ANKRD10: variants seen among roughly 807,000 people sequenced by gnomAD.
The protein encoded by ANKRD10 is ankyrin repeat domain 10.
ANKRD10 carries 14 observed loss-of-function variants against 27.0 expected under a neutral mutation model. The ratio of observed to expected loss-of-function variants is 0.52; its 90% confidence interval spans 0.34 to 0.81. The LOEUF (loss-of-function observed/expected upper bound fraction) is 0.81. Ranked by LOEUF, ANKRD10 falls within the 40% of genes least tolerant of loss-of-function variation. The pLI is 0.01. For synonymous variants in ANKRD10, 250 were observed against 224.5 expected (o/e 1.11, Z -1.01); for missense variants, 493 against 544.0 (o/e 0.91, Z 0.93).
chr13:110,909,683 A>G (rs1455945309), intron 2 of ANKRD10, among the ~76,000 whole-genome samples: 2 of 152,202 alleles, frequency 1.3e-5, no homozygotes, highest in Non-Finnish European at 2.9e-5. Context: ...AATCATGGCT[A>G]AAAACACCTT....
rs1008771827 is a variant in ANKRD10 at position 110,894,528 on chromosome 13, T to C, written c.456-1265A>G. Reference sequence around the variant, plus strand: ...TTGTATTCGTTATTTGCAGACATCATAGAGCTCTGACCTTGGAAATGAGAA... The same window carrying C: ...TTGTATTCGTTATTTGCAGACATCACAGAGCTCTGACCTTGGAAATGAGAA... On this transcript the variant is annotated intron_variant, in intron 3 of 5. Transcript: ENST00000267339. 10 of 175,196 alleles carry C rather than the reference T, an allele frequency of 5.7e-5. 1 individual carries two copies. Among genetic ancestry groups the C allele is most frequent in the Non-Finnish European group, 1.2e-4 (10 of 82,972 alleles). The allele number at this position is 175,196 out of a possible 1,614,324, so 10.9% of individuals were successfully genotyped here.
chr13:110,906,113 A>G lies in ANKRD10; in HGVS notation c.375T>C (p.Gly125=), dbSNP rs755747309. Residue 125 remains glycine (G), a synonymous_variant, in exon 3 of 6, where the codon GGT becomes GGC. Transcript: ENST00000267339. ...GANINKPDCE[G]ETPIHKAARS... The stretch of plus-strand genomic sequence containing the variant: ...GAGCTGCCTTGTGAATGGGAGTTTC[A>G]CCCTCACAATCCTGAAACAACAAAA... 6.3e-7 allele frequency: 1 copy of G among 1,598,862 alleles called. No individual in the cohort carries two copies. Among genetic ancestry groups the G allele is most frequent in the South Asian group, 1.1e-5 (1 of 88,600 alleles).
At chr13:110,888,797 G>T (rs1188788250) in intron 4 of ANKRD10, among the ~76,000 whole-genome samples, 1 of 152,120 alleles carries the variant, frequency 6.6e-6, no homozygotes, top group Non-Finnish European at 1.5e-5. Context: ...ACTTTTTTCT[G>T]TAAGGTGTTT....
chr13:110,899,348 C>T (rs899412113), intron 3 of ANKRD10, among the ~76,000 whole-genome samples: 8 of 152,200 alleles, frequency 5.3e-5, no homozygotes, highest in African/African-American at 1.7e-4. Context: ...AACTTAGCAT[C>T]CCCAGTTTGA....
chr13:110,908,202 G>A (rs1372147205), intron 2 of ANKRD10, among the ~76,000 whole-genome samples: 2 of 152,042 alleles, frequency 1.3e-5, no homozygotes, highest in South Asian at 4.1e-4. Flanking sequence ...TGGGCACCCT[G>A]GGTTTTCATA....
At chr13:110,913,801 TATTA>T (rs760640257) in intron 1 of ANKRD10, among the ~76,000 whole-genome samples, 7 of 152,164 alleles carry the variant, frequency 4.6e-5, no homozygotes, top group African/African-American at 7.2e-5. Flanking sequence ...AATTAAGAAA[TATTA>T]ATTAAAACCA....
In ANKRD10 at chr13:110,879,453, TAGTA is replaced by T; in HGVS notation, c.*180_*183del. On this transcript the variant is annotated 3_prime_UTR_variant, in exon 6 of 6. Transcript: ENST00000267339. ...CTCACTGTAGAAACATCTATGCACT[TAGTA>T]AGCCCTACTCATGCACAAACAAGCA... 1 of 599,250 alleles carries T rather than the reference TAGTA, an allele frequency of 1.7e-6. No individual in the cohort carries two copies. The highest frequency in any genetic ancestry group is 3.0e-6 in the Non-Finnish European group (1 of 338,160). The allele number at this position is 599,250 out of a possible 1,614,324, so 37.1% of individuals were successfully genotyped here. A position where few individuals can be genotyped will look rare whatever the true frequency, so the allele number is the denominator to read the frequency against.
chr13:110,913,193 ACTG>A (rs1555327293), intron 1 of ANKRD10, among the ~76,000 whole-genome samples: 1 of 152,062 alleles, frequency 6.6e-6, no homozygotes, highest in Non-Finnish European at 1.5e-5. Flanking sequence ...ATCGTTGTTC[ACTG>A]ACTATCACCC....
At chr13:110,885,957 T>G (rs2064918965) in intron 4 of ANKRD10, among the ~76,000 whole-genome samples, 1 of 152,214 alleles carries the variant, frequency 6.6e-6, no homozygotes, top group African/African-American at 2.4e-5. Context: ...TCTCCTTCAC[T>G]AGGCCCAGTA....
At chr13:110,912,623 G>T (rs2065751194) in intron 1 of ANKRD10, among the ~76,000 whole-genome samples, 1 of 152,136 alleles carries the variant, frequency 6.6e-6, no homozygotes, top group Non-Finnish European at 1.5e-5. Flanking sequence ...TGTTCAATAT[G>T]GTATAAAAGC....
At position 110,914,963 on chromosome 13, in the gene ANKRD10, C is replaced by A; in HGVS notation, c.-29G>T. The A allele has an allele frequency of 6.6e-7, 1 of 1,523,270 alleles. No homozygotes were observed. The highest frequency in any genetic ancestry group is 8.8e-7 in the Non-Finnish European group (1 of 1,140,798). The allele number at this position is 1,523,270 out of a possible 1,614,324, so 94.4% of individuals were successfully genotyped here. A position where few individuals can be genotyped will look rare whatever the true frequency, so the allele number is the denominator to read the frequency against. ...CCGTCACCGGAGAGCGCGGGGCTCG[C>A]TGGCCTAGAGGACGCGTCGGGGAGG... On this transcript the variant is annotated 5_prime_UTR_variant, in exon 1 of 6. Coordinates refer to ENST00000267339, the MANE Select transcript of ANKRD10 (RefSeq NM_017664.4).
At chr13:110,892,678 A>AG (rs937412686) in intron 4 of ANKRD10, 42 of 956,522 alleles carry the variant, frequency 4.4e-5, no homozygotes, top group Non-Finnish European at 5.0e-5. Flanking sequence ...AAGCAAATTA[A>AG]AAAAAAAAAA....
Position 110,879,554 on chromosome 13 carries a change from T to C in ANKRD10, c.*83A>G, listed in dbSNP as rs1409254548. 1.8e-5 allele frequency: 19 copies of C among 1,034,532 alleles called. No homozygotes were observed. The South Asian group carries it at 2.2e-4, about 12-fold the overall frequency. The allele number at this position is 1,034,532 out of a possible 1,614,324, so 64.1% of individuals were successfully genotyped here. A position where few individuals can be genotyped will look rare whatever the true frequency, so the allele number is the denominator to read the frequency against. ...TATAAAAAACGTACAAGTTGTGACA[T>C]TCGTTCAAGTTGCTGCTACATGGGT... On this transcript the variant is annotated 3_prime_UTR_variant, in exon 6 of 6. Transcript: ENST00000267339.
Position 110,908,312 on chromosome 13 carries a change from C to T in ANKRD10, c.364-2188G>A, listed in dbSNP as rs558251845. 4.6e-5 allele frequency among the ~76,000 whole-genome samples: 7 copies of T among 152,272 alleles called. No individual in the cohort carries two copies. The South Asian group carries it at 1.5e-3, about 32-fold the overall frequency. ...TATGAAAGAGAAGGTTTGCTAATTA[C>T]GCACCAAGGCTAGTCAATATAGATT... is the stretch of plus-strand genomic sequence containing the variant. On this transcript the variant is annotated intron_variant, in intron 2 of 5. Coordinates refer to ENST00000267339, the MANE Select transcript of ANKRD10 (RefSeq NM_017664.4).
Position 110,886,870 on chromosome 13 carries a change from TGTTA to T in ANKRD10, c.692-3081_692-3078del, listed in dbSNP as rs10546788. 9.9e-3 allele frequency among the ~76,000 whole-genome samples: 1,511 copies of T among 152,344 alleles called. 21 individuals carry two copies. Among genetic ancestry groups the T allele is most frequent in the African/African-American group, 0.033 (1,357 of 41,568 alleles). The stretch of plus-strand genomic sequence containing the variant: ...CACAATGATTGAATGCTTCTGAAAA[TGTTA>T]GTATGACCACTTTTTTCAAAGGGTC... On this transcript the variant is annotated intron_variant, in intron 4 of 5. Coordinates refer to ENST00000267339, the MANE Select transcript of ANKRD10 (RefSeq NM_017664.4).
chr13:110,886,352 G>T (rs1017898957), intron 4 of ANKRD10, among the ~76,000 whole-genome samples: 1 of 152,184 alleles, frequency 6.6e-6, no homozygotes, highest in Non-Finnish European at 1.5e-5. Flanking sequence ...AGAATGAAAG[G>T]CTTCCATATT....
At chr13:110,883,933 G>T in intron 4 of ANKRD10, 140 bp from the exon 5 acceptor site, 1 of 935,446 alleles carries the variant, frequency 1.1e-6, no homozygotes, top group Non-Finnish European at 1.5e-6. Flanking sequence ...TCACTAATGA[G>T]CTTAGCACAC....
intron 4 of ANKRD10, among the ~76,000 whole-genome samples, chr13:110,890,681 A>G (rs990479611): frequency 6.6e-6 from 1 of 152,218 alleles, no homozygotes; most frequent in Non-Finnish European, 1.5e-5. Context: ...CAGTGGCTCA[A>G]CCTGTTAGGT....
Position 110,914,997 on chromosome 13 carries a change from A to G in ANKRD10, c.-63T>C, listed in dbSNP as rs953197654. The G allele has an allele frequency of 2.7e-4, 402 of 1,489,054 alleles. No individual in the cohort carries two copies. Among genetic ancestry groups the G allele is most frequent in the Non-Finnish European group, 2.9e-4 (326 of 1,124,488 alleles). 92.2% of individuals were successfully genotyped at this position (1,489,054 alleles called of 1,614,324 possible). The stretch of plus-strand genomic sequence containing the variant: ...AGGACGCGTCGGGGAGGACTCGAGA[A>G]GCCGCCGCCGCAGCACAAAGGAACG... On this transcript the variant is annotated 5_prime_UTR_variant, in exon 1 of 6. Transcript: ENST00000267339.
Sources: allele counts gnomAD v4.1 joint callset (sites outside exome capture counted in the v4.1 genomes callset), GRCh38; gene constraint gnomAD v4.1.1; transcripts MANE v1.5; gene names NCBI Gene and HGNC (gene_info 2026-07-23, HGNC 2026-07-21).